Variants in ATP8A2 observed in about 807,000 individuals in gnomAD.
ATP8A2 encodes phospholipid-transporting ATPase IB.
Under a neutral mutation model 165.6 loss-of-function variants are expected in ATP8A2, and 100 were observed. The observed-to-expected ratio is 0.60, with a 90% CI of 0.51 to 0.71. ATP8A2 has a LOEUF of 0.71. Ranked by LOEUF, ATP8A2 falls within the 30% of genes least tolerant of loss-of-function variation. ATP8A2 has a pLI of 0.00. For missense variants in ATP8A2, 1,227 were observed against 1,479.5 expected, an observed-to-expected ratio of 0.83 and a Z score of 2.80; for synonymous variants, 543 against 548.8, an observed-to-expected ratio of 0.99 and a Z score of 0.15.
At chr13:26,018,138 C>T (rs1311093234) in intron 36 of ATP8A2, among the ~76,000 whole-genome samples, 1 of 152,216 alleles carries the variant, frequency 6.6e-6, no homozygotes, top group East Asian at 1.9e-4. Flanking sequence ...CTCAGGCCAC[C>T]TCTGCAGACA....
At chr13:25,579,029 T>A in intron 21 of ATP8A2, 130 bp downstream of exon 21, 1 of 689,026 alleles carries the variant, frequency 1.5e-6, no homozygotes, top group South Asian at 1.6e-5. Context: ...AGTGACAAGA[T>A]GCATAGCCAA....
At chr13:25,980,682 A>G (rs1020400080) in intron 35 of ATP8A2, among the ~76,000 whole-genome samples, 5 of 152,182 alleles carry the variant, frequency 3.3e-5, no homozygotes, top group Non-Finnish European at 7.4e-5. Context: ...CTTAAAAGCC[A>G]TAGAATCCCA....
intron 27 of ATP8A2, among the ~76,000 whole-genome samples, chr13:25,794,361 A>T (rs1950454012): frequency 6.6e-6 from 1 of 152,268 alleles, no homozygotes; most frequent in African/African-American, 2.4e-5. Context: ...TACACAGAAT[A>T]CAGTGCTTTG....
At chr13:25,696,534 C>T (rs2042838328) in intron 24 of ATP8A2, among the ~76,000 whole-genome samples, 1 of 152,236 alleles carries the variant, frequency 6.6e-6, no homozygotes, top group Admixed American at 6.5e-5. Context: ...GCTGCAGCTT[C>T]CTCGTCAGCG....
intron 33 of ATP8A2, among the ~76,000 whole-genome samples, chr13:25,943,720 A>C (rs1955135815): frequency 6.6e-6 from 1 of 152,240 alleles, no homozygotes; most frequent in Non-Finnish European, 1.5e-5. Context: ...CATAGATCCC[A>C]ACTTTAATGG....
At chr13:25,914,539 C>A (rs1035138209) in intron 33 of ATP8A2, among the ~76,000 whole-genome samples, 1 of 152,182 alleles carries the variant, frequency 6.6e-6, no homozygotes, top group Admixed American at 6.5e-5. Context: ...CTAACCTACA[C>A]ATCCATCTGT....
chr13:25,939,897 A>G (rs953731593), intron 33 of ATP8A2, among the ~76,000 whole-genome samples: 3 of 151,768 alleles, frequency 2.0e-5, no homozygotes, highest in Admixed American at 6.6e-5. Flanking sequence ...CTCCAAAACC[A>G]CTTGTGTAGG....
At chr13:25,832,583 G>T (rs9581451) in intron 28 of ATP8A2, among the ~76,000 whole-genome samples, 3,683 of 152,160 alleles carry the variant, frequency 0.024, 153 homozygotes, top group African/African-American at 0.082. Flanking sequence ...ACTATATCAA[G>T]AAAATAAGAA....
chr13:25,896,792 CTTCT>C (rs1462728348), intron 33 of ATP8A2, among the ~76,000 whole-genome samples: 2 of 152,068 alleles, frequency 1.3e-5, no homozygotes, highest in African/African-American at 4.8e-5. Flanking sequence ...ATGTAATGGC[CTTCT>C]TTGTCTCTTT....
chr13:25,585,052 A>G (rs1295894943), intron 23 of ATP8A2, among the ~76,000 whole-genome samples: 1 of 152,016 alleles, frequency 6.6e-6, no homozygotes, highest in Non-Finnish European at 1.5e-5. Flanking sequence ...CATACCTTAG[A>G]AAAAAAACAC....
rs1043209019 is a variant in ATP8A2 at position 25,372,273 on chromosome 13, A to G, written c.61A>G (p.Ile21Val). The change falls in exon 1 of 37, where the codon ATC becomes GTC. Residue 21 changes from isoleucine (I) to valine (V), a missense_variant. Ile to Val is a conservative substitution (Grantham distance 29). Around this residue, in one of 5 missense-constraint regions of ATP8A2, gnomAD observed 356 missense variants for 394.9 expected, o/e 0.90. Transcript: ENST00000381655. The surrounding 1 kb of genome is among the most constrained non-coding windows in gnomAD (Gnocchi z 4.8). ...GATGTCCCTGCCGCGGAGGTCGAGG[A>G]TCCGCTCGTCCGTGGGTGAGCTGGG... ...LKMSLPRRSR[I>V]RSSVGPVRSS... 96 of 1,472,580 alleles carry G rather than the reference A, an allele frequency of 6.5e-5. No homozygotes were observed. Among genetic ancestry groups the G allele is most frequent in the Non-Finnish European group, 8.4e-5 (93 of 1,108,236 alleles). The allele number at this position is 1,472,580 out of a possible 1,614,324, so 91.2% of individuals were successfully genotyped here.
At chr13:25,658,179 G>A (rs1438312267) in intron 24 of ATP8A2, among the ~76,000 whole-genome samples, 6 of 152,268 alleles carry the variant, frequency 3.9e-5, no homozygotes, top group Admixed American at 3.9e-4. Context: ...CAGATATTTG[G>A]CTGTCACTAA....
At chr13:25,656,653 T>C (rs1411627655) in intron 24 of ATP8A2, among the ~76,000 whole-genome samples, 1 of 151,408 alleles carries the variant, frequency 6.6e-6, no homozygotes, top group Non-Finnish European at 1.5e-5. Context: ...ACATACATTT[T>C]CTGGCTGGGC....
intron 25 of ATP8A2, among the ~76,000 whole-genome samples, chr13:25,760,640 A>C (rs1468390330): frequency 6.6e-6 from 1 of 152,228 alleles, no homozygotes; most frequent in African/African-American, 2.4e-5. Flanking sequence ...AATTAAAATT[A>C]AACTTCCTAT....
At chr13:25,543,818 T>C (rs1278479495) in intron 10 of ATP8A2, among the ~76,000 whole-genome samples, 1 of 152,230 alleles carries the variant, frequency 6.6e-6, no homozygotes, top group African/African-American at 2.4e-5. Context: ...TTAGTTTTCA[T>C]AGACCGAAGA....
chr13:25,527,099 A>G (rs1403523613), intron 2 of ATP8A2, among the ~76,000 whole-genome samples: 2 of 152,124 alleles, frequency 1.3e-5, no homozygotes, highest in East Asian at 3.8e-4. Flanking sequence ...ATTTGTGGTG[A>G]TAACCTTAGT....
intron 33 of ATP8A2, among the ~76,000 whole-genome samples, chr13:25,894,339 G>C (rs1953468492): frequency 6.6e-6 from 1 of 152,172 alleles, no homozygotes. Flanking sequence ...AGATCAGATA[G>C]TTGTAGATAT....
Position 25,512,448 on chromosome 13 carries a change from TG to T in ATP8A2, c.222-17546del, listed in dbSNP as rs569029323. Reference sequence around the variant, plus strand: ...GGCAGAGGGGCTCCTCACTTCCCAGTGGGGGCGGCCAGGCAGAGGCACCCCT... The same window carrying T: ...GGCAGAGGGGCTCCTCACTTCCCAGTGGGGCGGCCAGGCAGAGGCACCCCT... On this transcript the variant is annotated intron_variant, in intron 2 of 36. Coordinates refer to ENST00000381655, the MANE Select transcript of ATP8A2 (RefSeq NM_016529.6). Among the ~76,000 whole-genome samples, 962 of 151,952 alleles carry T rather than the reference TG, an allele frequency of 6.3e-3. 3 individuals are homozygous for T. The highest frequency in any genetic ancestry group is 0.012 in the Non-Finnish European group (787 of 67,944).
chr13:25,844,034 A>G (rs543647718), intron 30 of ATP8A2, among the ~76,000 whole-genome samples: 3 of 152,240 alleles, frequency 2.0e-5, no homozygotes, highest in Non-Finnish European at 2.9e-5. Flanking sequence ...TGCCAGGACC[A>G]TGCGGTTGCA....
Sources: gnomAD v4.1 joint callset for allele counts (sites outside exome capture counted in the v4.1 genomes callset) on GRCh38, gnomAD v4.1.1 for gene constraint, gnomAD v4.1.1 regional missense constraint, Gnocchi (gnomAD v3.1) non-coding constraint, MANE v1.5 for transcripts, NCBI Gene and HGNC (gene_info 2026-07-23, HGNC 2026-07-21) for gene names.